XPNPEP3: variants seen among roughly 807,000 people sequenced by gnomAD.
The protein encoded by XPNPEP3 is xaa-Pro aminopeptidase 3.
In XPNPEP3, 41 loss-of-function variants were observed where a neutral mutation model predicts 60.0. That is an observed-to-expected ratio of 0.68 (90% CI 0.53 to 0.89). XPNPEP3 has a LOEUF of 0.89. Ranked by LOEUF, XPNPEP3 falls within the 40% of genes least tolerant of loss-of-function variation. The pLI is 0.00. For missense variants in XPNPEP3, 598 were observed against 638.9 expected, an observed-to-expected ratio of 0.94 and a Z score of 0.69; for synonymous variants, 212 against 223.2, an observed-to-expected ratio of 0.95 and a Z score of 0.45.
chr22:40,861,589 A>G (rs1164386843), intron 1 of XPNPEP3: 2 of 1,613,252 alleles, frequency 1.2e-6, no homozygotes, highest in Admixed American at 1.7e-5. Flanking sequence ...GAGAAAAAGT[A>G]TCCTGCATCT....
chr22:40,895,561 C>T (rs1350731472), intron 4 of XPNPEP3, among the ~76,000 whole-genome samples: 1 of 152,074 alleles, frequency 6.6e-6, no homozygotes, highest in South Asian at 2.1e-4. Flanking sequence ...TCTTGAACTG[C>T]TGACCTCAGG....
chr22:40,904,316 A>C (rs1040832535), intron 4 of XPNPEP3, among the ~76,000 whole-genome samples: 2 of 152,222 alleles, frequency 1.3e-5, no homozygotes, highest in African/African-American at 4.8e-5. Flanking sequence ...AAGATTAGGC[A>C]TTTGATCACC....
At chr22:40,891,937 C>G (rs539223497) in intron 4 of XPNPEP3, among the ~76,000 whole-genome samples, 1 of 152,338 alleles carries the variant, frequency 6.6e-6, no homozygotes, top group East Asian at 1.9e-4. Flanking sequence ...GTGGGAATCA[C>G]TGGCAGTCGT....
At chr22:40,912,533 C>T (rs1327728371) in intron 6 of XPNPEP3, among the ~76,000 whole-genome samples, 1 of 151,988 alleles carries the variant, frequency 6.6e-6, no homozygotes, top group Admixed American at 6.6e-5. Context: ...GCCTTTTCTC[C>T]TTACTGTAGT....
intron 1 of XPNPEP3, among the ~76,000 whole-genome samples, chr22:40,868,453 G>GTA: frequency 6.6e-6 from 1 of 151,304 alleles, no homozygotes; most frequent in South Asian, 2.1e-4. Context: ...GTGTGTGTGT[G>GTA]TATGTGTATA....
rs914033578 is a variant in XPNPEP3 at position 40,893,018 on chromosome 22, T to C, written c.792+6503T>C. On this transcript the variant is annotated intron_variant, in intron 4 of 9. Coordinates refer to ENST00000357137, the MANE Select transcript of XPNPEP3 (RefSeq NM_022098.4). ...TGTAAAACCGTTATCTTAATGGTTT[T>C]ATGTGTTAGATTATTATCCATTGAT... 4.6e-5 allele frequency among the ~76,000 whole-genome samples: 7 copies of C among 151,222 alleles called. No individual in the cohort carries two copies. The South Asian group carries it at 1.0e-3, about 22-fold the overall frequency.
At chr22:40,868,853 A>T (rs1213218120) in intron 1 of XPNPEP3, 146 bp from the exon 2 acceptor site, 6 of 685,638 alleles carry the variant, frequency 8.8e-6, no homozygotes, top group African/African-American at 5.4e-5. Context: ...CTTAAAAAAA[A>T]AATAAATGAA....
chr22:40,861,462 T>C, intron 1 of XPNPEP3: 2 of 1,614,186 alleles, frequency 1.2e-6, no homozygotes, highest in Non-Finnish European at 8.5e-7. Flanking sequence ...CATCCCACTA[T>C]TATCAAAAGC....
At chr22:40,864,064 T>C (rs576829090) in intron 1 of XPNPEP3, among the ~76,000 whole-genome samples, 13 of 152,192 alleles carry the variant, frequency 8.5e-5, no homozygotes, top group Non-Finnish European at 1.6e-4. Context: ...TAAAAGCAAG[T>C]TTATTAAGAA....
rs71200626 is a variant in XPNPEP3 at position 40,898,225 on chromosome 22, ATTTTTTTTTTTTTTTTTTTTTT to A, written c.793-9344_793-9323del. On this transcript the variant is annotated intron_variant, in intron 4 of 9. Transcript: ENST00000357137. ...TGTTTTATGTTTAGGTCTTTGACCCATTTTTTTTTTTTTTTTTTTTTTTTTTTTTTTTTTTTTTTGAGACGGA... is the reference window on the plus strand; with the variant it reads ...TGTTTTATGTTTAGGTCTTTGACCCATTTTTTTTTTTTTTTTTGAGACGGA... Among the ~76,000 whole-genome samples the A allele has an allele frequency of 5.6e-4, 16 of 28,784 alleles. 1 individual carries two copies. Among genetic ancestry groups the A allele is most frequent in the Non-Finnish European group, 7.4e-4 (12 of 16,234 alleles). 18.9% of individuals were successfully genotyped at this position (28,784 alleles called of 152,430 possible).
chr22:40,918,822 A>G (rs1299053826), intron 7 of XPNPEP3, among the ~76,000 whole-genome samples: 4 of 147,898 alleles, frequency 2.7e-5, no homozygotes, highest in Non-Finnish European at 6.0e-5. Flanking sequence ...TCTGACTGGT[A>G]TTCACCTTAT....
intron 1 of XPNPEP3, chr22:40,861,932 T>A: frequency 6.2e-7 from 1 of 1,613,262 alleles, no homozygotes; most frequent in Non-Finnish European, 8.5e-7. Flanking sequence ...TATGATAAGC[T>A]TTTTTAATGT....
chr22:40,913,564 C>G (rs1569030504), intron 6 of XPNPEP3, among the ~76,000 whole-genome samples: 1 of 150,940 alleles, frequency 6.6e-6, no homozygotes, highest in East Asian at 1.9e-4. Flanking sequence ...TCTCTTGTTT[C>G]ATAAAGCAAA....
In XPNPEP3 at chr22:40,929,743, T is replaced by C. The variant is rs752736099; in HGVS notation, c.*3308T>C. The C allele has an allele frequency of 6.6e-5, 10 of 152,208 alleles. No homozygotes were observed. The highest frequency in any genetic ancestry group is 1.0e-4 in the Non-Finnish European group (7 of 68,042). The allele number at this position is 152,208 out of a possible 1,614,324, so 9.4% of individuals were successfully genotyped here. A position where few individuals can be genotyped will look rare whatever the true frequency, so the allele number is the denominator to read the frequency against. On this transcript the variant is annotated 3_prime_UTR_variant, in exon 10 of 10. Transcript: ENST00000357137. Reference sequence around the variant, plus strand: ...TTGAATCAGACTTCTCATAGCAATGTTATGGGCTGTCTGATATATTCAGGA... The same window carrying C: ...TTGAATCAGACTTCTCATAGCAATGCTATGGGCTGTCTGATATATTCAGGA...
At chr22:40,923,172 C>T (rs1195516104) in intron 8 of XPNPEP3, among the ~76,000 whole-genome samples, 3 of 151,138 alleles carry the variant, frequency 2.0e-5, no homozygotes, top group African/African-American at 7.3e-5. Flanking sequence ...ATGTTCGCAC[C>T]ACTGCACTCC....
chr22:40,873,098 C>CTTTTTTTTTTTTTTTTTTTTTT (rs138353), intron 2 of XPNPEP3, among the ~76,000 whole-genome samples: 1 of 88,498 alleles, frequency 1.1e-5, no homozygotes, highest in African/African-American at 4.4e-5. Flanking sequence ...TTTTCTTTTT[C>CTTTTTTTTTTTTTTTTTTTTTT]TTTTTTTTTT....
At chr22:40,888,844 C>G (rs1186491280) in intron 4 of XPNPEP3, among the ~76,000 whole-genome samples, 1 of 152,060 alleles carries the variant, frequency 6.6e-6, no homozygotes, top group African/African-American at 2.4e-5. Flanking sequence ...AGCAACGCAC[C>G]AAGGGTTTCA....
intron 2 of XPNPEP3, among the ~76,000 whole-genome samples, chr22:40,879,835 CT>C (rs1175152361): frequency 6.6e-6 from 1 of 151,688 alleles, no homozygotes; most frequent in Non-Finnish European, 1.5e-5. Flanking sequence ...GAGCAAGACT[CT>C]TTCTCAAAAA....
chr22:40,885,165 A>G (rs140555732), intron 3 of XPNPEP3, among the ~76,000 whole-genome samples: 52 of 152,312 alleles, frequency 3.4e-4, no homozygotes, highest in African/African-American at 1.2e-3. Context: ...TAGGACATAG[A>G]ATCATAGAAT....
Sources: gnomAD v4.1 joint callset for allele counts (sites outside exome capture counted in the v4.1 genomes callset) on GRCh38, gnomAD v4.1.1 for gene constraint, MANE v1.5 for transcripts, NCBI Gene and HGNC (gene_info 2026-07-23, HGNC 2026-07-21) for gene names.